RAD51C: variants seen among roughly 807,000 people sequenced by gnomAD.
RAD51C encodes DNA repair protein RAD51 homolog 3.
Under a neutral mutation model 45.0 loss-of-function variants are expected in RAD51C, and 42 were observed. The observed-to-expected ratio is 0.93, with a 90% confidence interval of 0.73 to 1.21. RAD51C has a LOEUF of 1.21. Ranked by LOEUF, RAD51C falls within the 50% of genes most tolerant of loss-of-function variation. The probability of loss-of-function intolerance (pLI) is 0.00; values close to 1 mark genes in which losing one functional copy is unlikely to be tolerated. For synonymous variants in RAD51C, 172 were observed against 159.8 expected, an observed-to-expected ratio of 1.08 and a Z score of -0.58; for missense variants, 474 against 452.2, an observed-to-expected ratio of 1.05 and a Z score of -0.44.
chr17:58,719,717 G>T (rs1011515477), intron 5 of RAD51C, among the ~76,000 whole-genome samples: 1 of 149,632 alleles, frequency 6.7e-6, no homozygotes, highest in Non-Finnish European at 1.5e-5. Context: ...TCTTTTTATG[G>T]GTGGATTTTT....
At chr17:58,715,539 C>T (rs774752887) in intron 5 of RAD51C, among the ~76,000 whole-genome samples, 8 of 150,616 alleles carry the variant, frequency 5.3e-5, no homozygotes, top group Non-Finnish European at 1.2e-4. Flanking sequence ...CACTAGTATG[C>T]TTTCTGTTTC....
At chr17:58,695,272 AATAAG>A (rs1213283923) in intron 2 of RAD51C, 83 bp downstream of exon 2, 15 of 1,503,678 alleles carry the variant, frequency 1.0e-5, no homozygotes, top group Non-Finnish European at 1.2e-5. Flanking sequence ...CAGGAAACCA[AATAAG>A]ATATATATGT....
intron 6 of RAD51C, 78 bp downstream of exon 6, chr17:58,720,890 A>G (rs1319981089): frequency 5.0e-6 from 6 of 1,198,906 alleles, no homozygotes; most frequent in South Asian, 1.2e-5. Flanking sequence ...ATTGAGTACT[A>G]TACGCTTCAT....
chr17:58,700,544 G>A (rs998119618), intron 3 of RAD51C, among the ~76,000 whole-genome samples: 3 of 152,046 alleles, frequency 2.0e-5, no homozygotes, highest in Non-Finnish European at 2.9e-5. Flanking sequence ...CTGGGTTCAC[G>A]CCATTCTCCT....
intron 2 of RAD51C, 188 bp downstream of exon 2, chr17:58,695,377 A>G: frequency 7.4e-7 from 1 of 1,355,374 alleles, no homozygotes; most frequent in Non-Finnish European, 9.5e-7. Context: ...AATGTATGCA[A>G]TTATTCTGAT....
At chr17:58,722,967 C>A (rs191599082) in intron 6 of RAD51C, among the ~76,000 whole-genome samples, 1 of 152,290 alleles carries the variant, frequency 6.6e-6, no homozygotes, top group Non-Finnish European at 1.5e-5. Flanking sequence ...AGGGTAATGA[C>A]AAACCCTTTG....
At chr17:58,697,267 A>G (rs950866683) in intron 3 of RAD51C, among the ~76,000 whole-genome samples, 6 of 152,218 alleles carry the variant, frequency 3.9e-5, no homozygotes, top group South Asian at 2.1e-4. Context: ...GGCCGGATGC[A>G]GTGCTCATGC....
intron 3 of RAD51C, 103 bp from the exon 4 acceptor site, chr17:58,703,093 G>C (rs1200299546): frequency 1.6e-6 from 2 of 1,287,210 alleles, no homozygotes; most frequent in Non-Finnish European, 2.2e-6. Flanking sequence ...AAAGAATTTT[G>C]TTATCCAAAG....
At chr17:58,714,072 C>T (rs2048648850) in intron 5 of RAD51C, among the ~76,000 whole-genome samples, 2 of 151,974 alleles carry the variant, frequency 1.3e-5, no homozygotes, top group South Asian at 2.1e-4. Context: ...GCAGCCTCCA[C>T]CTCCCAGGTT....
rs786203498 is a variant in RAD51C, at chr17:58,724,058, C to G, written c.923C>G (p.Ala308Gly). 8 of 1,613,092 alleles carry G rather than the reference C, an allele frequency of 5.0e-6. No individual in the cohort carries two copies. In the African/African-American group the frequency reaches 1.1e-4, roughly 22 times the overall value. ...CTCTCAGGGGAAAGTTGGGGACATG[C>G]TGCTACAATACGGCTAATCTTTCAT... ...VPALGESWGH[A>G]ATIRLIFHWD... is the part of the protein sequence containing the mutation. The change falls in exon 7 of 9, where the codon GCT becomes GGT. Residue 308 changes from alanine to glycine, a missense_variant. By Grantham distance (60) the Ala-to-Gly change is moderately conservative. Coordinates refer to ENST00000337432, the MANE Select transcript of RAD51C (RefSeq NM_058216.3).
intron 5 of RAD51C, among the ~76,000 whole-genome samples, chr17:58,715,130 TAA>T (rs1244626632): frequency 7.4e-6 from 1 of 134,982 alleles, no homozygotes. Flanking sequence ...TCCAGATTAT[TAA>T]AAAAAAAAAA....
chr17:58,729,403 G>T (rs920022707), intron 7 of RAD51C, among the ~76,000 whole-genome samples: 1 of 151,376 alleles, frequency 6.6e-6, no homozygotes, highest in African/African-American at 2.4e-5. Context: ...ATTTTTAGTT[G>T]AGATGGGGTT....
Position 58,699,252 on chromosome 17 carries a change from C to T in RAD51C, c.571+2393C>T, listed in dbSNP as rs180721069. ...CGAACTCCTGACCTTGTGATCTTCC[C>T]GCCTCGGCCTCCCAAAGTGCTGGGA... On this transcript the variant is annotated intron_variant, in intron 3 of 8. Coordinates refer to ENST00000337432, the MANE Select transcript of RAD51C (RefSeq NM_058216.3). Among the ~76,000 whole-genome samples the T allele has an allele frequency of 5.9e-5, 9 of 152,112 alleles. No individual in the cohort carries two copies. The South Asian group carries it at 1.5e-3, about 25-fold the overall frequency.
At chr17:58,714,434 C>A (rs2048661311) in intron 5 of RAD51C, among the ~76,000 whole-genome samples, 1 of 152,130 alleles carries the variant, frequency 6.6e-6, no homozygotes, top group African/African-American at 2.4e-5. Flanking sequence ...CATATCTTTA[C>A]CAACTTTGGG....
intron 5 of RAD51C, among the ~76,000 whole-genome samples, chr17:58,716,819 G>A (rs1243011978): frequency 2.7e-5 from 4 of 148,694 alleles, no homozygotes; most frequent in Non-Finnish European, 5.9e-5. Flanking sequence ...CACCCAGGCT[G>A]GAGTGCAGTG....
rs950351911 is a variant in RAD51C at position 58,724,020 on chromosome 17, A to G, written c.905-20A>G. On this transcript the variant is annotated intron_variant, in intron 6 of 8. Transcript: ENST00000337432. The stretch of plus-strand genomic sequence containing the variant: ...CAAGTCAGTAAGGCCATATACAGTT[A>G]TTATGTTTTTTACTCTCAGGGGAAA... The G allele has an allele frequency of 6.3e-7, 1 of 1,597,248 alleles. No individual in the cohort carries two copies. Among genetic ancestry groups the G allele is most frequent in the Non-Finnish European group, 8.6e-7 (1 of 1,164,728 alleles).
chr17:58,727,962 G>GC (rs1159334252), intron 7 of RAD51C, among the ~76,000 whole-genome samples: 2 of 151,910 alleles, frequency 1.3e-5, no homozygotes, highest in South Asian at 2.1e-4. Context: ...GTTACATGAG[G>GC]CCGGGCGCAG....
intron 7 of RAD51C, chr17:58,732,251 A>AAT: frequency 2.4e-6 from 1 of 421,492 alleles, no homozygotes; most frequent in Non-Finnish European, 4.3e-6. Context: ...AATTTATTTG[A>AAT]ATCAGTCATT....
chr17:58,725,925 G>T (rs1334717950), intron 7 of RAD51C, among the ~76,000 whole-genome samples: 1 of 150,794 alleles, frequency 6.6e-6, no homozygotes, highest in Non-Finnish European at 1.5e-5. Flanking sequence ...CCAGGAGGCG[G>T]AGGTTGCAGT....
Sources: gnomAD v4.1 joint callset for allele counts (sites outside exome capture counted in the v4.1 genomes callset) on GRCh38, gnomAD v4.1.1 for gene constraint, MANE v1.5 for transcripts, NCBI Gene and HGNC (gene_info 2026-07-23, HGNC 2026-07-21) for gene names.